Variants in TGS1 observed in about 807,000 individuals in gnomAD.
TGS1 encodes the protein trimethylguanosine synthase.
In TGS1, 69 loss-of-function variants were observed where a neutral mutation model predicts 92.2. The observed-to-expected ratio is 0.75, with a 90% CI of 0.62 to 0.91. The LOEUF (loss-of-function observed/expected upper bound fraction) is 0.91. Among genes scored for constraint, TGS1 ranks in the 40% least tolerant of loss-of-function variants. The pLI is 0.00. For synonymous variants in TGS1, 345 were observed against 338.1 expected, an observed-to-expected ratio of 1.02 and a Z score of -0.22; for missense variants, 1,062 against 1,001.2, an observed-to-expected ratio of 1.06 and a Z score of -0.82.
intron 12 of TGS1, among the ~76,000 whole-genome samples, chr8:55,821,488 A>T (rs1416888216): frequency 1.3e-5 from 2 of 152,160 alleles, no homozygotes; most frequent in Non-Finnish European, 2.9e-5. Flanking sequence ...CCACATCTAG[A>T]CAACCCTCTG....
chr8:55,805,559 A>G (rs1812341335), intron 10 of TGS1, among the ~76,000 whole-genome samples: 2 of 152,326 alleles, frequency 1.3e-5, no homozygotes, highest in Non-Finnish European at 2.9e-5. Flanking sequence ...ACTTGAGGCC[A>G]GGAGTTTGAG....
intron 12 of TGS1, among the ~76,000 whole-genome samples, chr8:55,813,668 GT>G (rs1256597219): frequency 2.6e-5 from 4 of 151,970 alleles, no homozygotes; most frequent in Non-Finnish European, 5.9e-5. Flanking sequence ...TGTTTTTTGT[GT>G]TTTTTATTCA....
intron 4 of TGS1, among the ~76,000 whole-genome samples, chr8:55,788,140 G>T (rs1010990165): frequency 6.6e-6 from 1 of 152,228 alleles, no homozygotes; most frequent in African/African-American, 2.4e-5. Flanking sequence ...AGGAAAATGG[G>T]AGAGGAGGAA....
chr8:55,823,094 C>G (rs941827467), intron 12 of TGS1, among the ~76,000 whole-genome samples: 1 of 152,194 alleles, frequency 6.6e-6, no homozygotes, highest in Non-Finnish European at 1.5e-5. Flanking sequence ...ACTGCATTCT[C>G]TCTTCTCTTG....
At chr8:55,805,270 T>TA (rs1272599141) in intron 10 of TGS1, among the ~76,000 whole-genome samples, 2 of 152,178 alleles carry the variant, frequency 1.3e-5, no homozygotes, top group Non-Finnish European at 2.9e-5. Flanking sequence ...TGAGTCCACT[T>TA]ACACCCAGAT....
intron 8 of TGS1, among the ~76,000 whole-genome samples, chr8:55,799,952 T>C (rs922875458): frequency 2.0e-5 from 3 of 152,132 alleles, no homozygotes; most frequent in African/African-American, 7.2e-5. Flanking sequence ...GGCACGTTAA[T>C]ATAAAAAGTA....
At position 55,773,526 on chromosome 8, in the gene TGS1, G is replaced by A. The variant is rs528272795; in HGVS notation, c.-93G>A. 3.3e-6 allele frequency: 3 copies of A among 911,474 alleles called. No homozygotes were observed. The highest frequency in any genetic ancestry group is 3.2e-5 in the South Asian group (2 of 62,984). 56.5% of individuals were successfully genotyped at this position (911,474 alleles called of 1,614,324 possible). ...TCTATCTCCTCATCCAGGGCTTGCG[G>A]GCGAGGCCTGTTTTAAGTCTCCAGT... On this transcript the variant is annotated 5_prime_UTR_variant, in exon 1 of 13. Coordinates refer to ENST00000260129, the MANE Select transcript of TGS1 (RefSeq NM_024831.8).
At chr8:55,823,118 C>T (rs1803694631) in intron 12 of TGS1, among the ~76,000 whole-genome samples, 1 of 152,182 alleles carries the variant, frequency 6.6e-6, no homozygotes, top group Non-Finnish European at 1.5e-5. Context: ...TTTCCTCTTA[C>T]TGCCCTGAAA....
At chr8:55,801,572 C>T (rs1812213976) in intron 8 of TGS1, among the ~76,000 whole-genome samples, 1 of 144,716 alleles carries the variant, frequency 6.9e-6, no homozygotes, top group South Asian at 2.2e-4. Flanking sequence ...CTGCGCCCAG[C>T]CCCATCGTTC....
At chr8:55,813,180 G>A in intron 12 of TGS1, 62 bp downstream of exon 12, 1 of 1,177,168 alleles carries the variant, frequency 8.5e-7, no homozygotes, top group Non-Finnish European at 1.3e-6. Flanking sequence ...TACGGTAAAA[G>A]ATACAGGACA....
chr8:55,783,551 A>G (rs1296811185), intron 2 of TGS1, among the ~76,000 whole-genome samples: 1 of 152,236 alleles, frequency 6.6e-6, no homozygotes, highest in Non-Finnish European at 1.5e-5. Flanking sequence ...TGCCTGAAGT[A>G]AAGAGACTGT....
intron 12 of TGS1, among the ~76,000 whole-genome samples, chr8:55,823,881 G>A (rs1052089296): frequency 5.9e-5 from 9 of 152,142 alleles, no homozygotes; most frequent in African/African-American, 1.9e-4. Flanking sequence ...TTGGGAGGCC[G>A]GGCCGAGCGG....
chr8:55,802,685 G>A, intron 9 of TGS1, 79 bp downstream of exon 9: 1 of 1,369,998 alleles, frequency 7.3e-7, no homozygotes, highest in Non-Finnish European at 9.9e-7. Flanking sequence ...ATAATACAGG[G>A]AATGTTCATA....
chr8:55,811,127 G>C (rs1387572856), intron 11 of TGS1, 30 bp downstream of exon 11: 2 of 1,239,452 alleles, frequency 1.6e-6, no homozygotes, highest in African/African-American at 3.4e-5. Flanking sequence ...AGAGTTTACT[G>C]AAACAATGAT....
At chr8:55,820,532 G>T (rs894067826) in intron 12 of TGS1, among the ~76,000 whole-genome samples, 3 of 151,962 alleles carry the variant, frequency 2.0e-5, no homozygotes, top group African/African-American at 7.3e-5. Context: ...AGCCAGACTC[G>T]TCTCAAAAAA....
intron 2 of TGS1, 27 bp downstream of exon 2, chr8:55,782,839 CT>C: frequency 2.7e-6 from 4 of 1,486,498 alleles, no homozygotes; most frequent in Admixed American, 2.0e-5. Context: ...TTCTATAAAC[CT>C]TTTTTGCTGA....
At chr8:55,803,932 G>A (rs115558306) in intron 9 of TGS1, among the ~76,000 whole-genome samples, 2,046 of 151,888 alleles carry the variant, frequency 0.013, 40 homozygotes, top group African/African-American at 0.047. Flanking sequence ...GATCCACCAC[G>A]CCCAGCCCAG....
intron 4 of TGS1, among the ~76,000 whole-genome samples, chr8:55,789,234 C>G (rs1811805634): frequency 6.6e-6 from 1 of 152,212 alleles, no homozygotes; most frequent in Non-Finnish European, 1.5e-5. Flanking sequence ...CAGCCACCCA[C>G]TTTCTTCCAG....
At chr8:55,776,544 G>A (rs1811407871) in intron 1 of TGS1, among the ~76,000 whole-genome samples, 1 of 152,204 alleles carries the variant, frequency 6.6e-6, no homozygotes, top group African/African-American at 2.4e-5. Flanking sequence ...CTCCCAAAGT[G>A]CTGGGATTAC....
Sources: allele counts gnomAD v4.1 joint callset (sites outside exome capture counted in the v4.1 genomes callset), GRCh38; gene constraint gnomAD v4.1.1; transcripts MANE v1.5; gene names NCBI Gene and HGNC (gene_info 2026-07-23, HGNC 2026-07-21).